SYNE2: variants seen among roughly 807,000 people sequenced by gnomAD.
SYNE2 encodes spectrin repeat containing nuclear envelope protein 2, also known as nesprin-2.
SYNE2 carries 431 observed loss-of-function variants against 856.3 expected under a neutral mutation model. The ratio of observed to expected loss-of-function variants is 0.50; its 90% CI spans 0.47 to 0.55. The LOEUF is 0.55. SYNE2 is among the 20% of genes least tolerant of loss of function. The probability of loss-of-function intolerance (pLI) is 0.00; values close to 1 mark genes in which losing one functional copy is unlikely to be tolerated. For missense variants in SYNE2, 8,129 were observed against 8,023.2 expected (o/e 1.01, Z -0.50); for synonymous variants, 2,923 against 2,872.3 (o/e 1.02, Z -0.56).
intron 1 of SYNE2, among the ~76,000 whole-genome samples, chr14:63,806,702 G>T (rs971601289): frequency 6.6e-6 from 1 of 151,802 alleles, no homozygotes; most frequent in Non-Finnish European, 1.5e-5. Flanking sequence ...TTTTTGTATT[G>T]CTTTCTTTTT....
At chr14:64,032,297 G>A (rs1364940224) in intron 45 of SYNE2, among the ~76,000 whole-genome samples, 3 of 152,228 alleles carry the variant, frequency 2.0e-5, no homozygotes, top group East Asian at 3.9e-4. Context: ...GTGTCAGGCC[G>A]GGCATGGTGG....
At chr14:64,013,072 A>G (rs78443603) in intron 32 of SYNE2, among the ~76,000 whole-genome samples, 5,373 of 152,274 alleles carry the variant, frequency 0.035, 318 homozygotes, top group African/African-American at 0.12. Context: ...GTTTGGAAAT[A>G]TCAAAGTGGG....
chr14:64,018,192 A>T (rs925805698), intron 34 of SYNE2, among the ~76,000 whole-genome samples: 2 of 152,194 alleles, frequency 1.3e-5, no homozygotes, highest in Non-Finnish European at 2.9e-5. Flanking sequence ...AACAAAATGC[A>T]TAATTGCTCC....
chr14:63,997,215 T>C, intron 24 of SYNE2, 57 bp downstream of exon 24: 1 of 1,589,430 alleles, frequency 6.3e-7, no homozygotes, highest in Non-Finnish European at 8.6e-7. Context: ...TTTTGCACGA[T>C]CAAATGACAT....
chr14:63,795,256 A>G (rs1361668583), intron 1 of SYNE2, among the ~76,000 whole-genome samples: 3 of 152,074 alleles, frequency 2.0e-5, no homozygotes, highest in Admixed American at 2.0e-4. Context: ...GGTGGGCACC[A>G]TCTAATCAGC....
chr14:63,772,719 G>C (rs1299930482), intron 1 of SYNE2, among the ~76,000 whole-genome samples: 2 of 152,006 alleles, frequency 1.3e-5, no homozygotes, highest in Non-Finnish European at 2.9e-5. Flanking sequence ...CTCTAGCCTG[G>C]GCGGCAGAGC....
intron 110 of SYNE2, 29 bp from the exon 111 acceptor site, chr14:64,220,408 C>A: frequency 6.2e-7 from 1 of 1,613,492 alleles, no homozygotes; most frequent in Admixed American, 1.7e-5. Context: ...TTTCAGAGCT[C>A]CTAACCTCAT....
intron 1 of SYNE2, among the ~76,000 whole-genome samples, chr14:63,869,257 ATGAGAAG>A (rs1896227635): frequency 6.6e-6 from 1 of 152,218 alleles, no homozygotes; most frequent in Non-Finnish European, 1.5e-5. Context: ...AAAGATAAAA[ATGAGAAG>A]TGCTTTAAAA....
chr14:63,836,470 C>A (rs912894694), intron 1 of SYNE2, among the ~76,000 whole-genome samples: 1 of 152,180 alleles, frequency 6.6e-6, no homozygotes, highest in Non-Finnish European at 1.5e-5. Context: ...ACTTACCATT[C>A]TTCAGTTTTT....
At chr14:63,792,653 A>G (rs1328479958) in intron 1 of SYNE2, among the ~76,000 whole-genome samples, 5 of 81,340 alleles carry the variant, frequency 6.1e-5, no homozygotes, top group South Asian at 1.1e-3. Context: ...TGTTTTATTT[A>G]TTTGTTTGTT....
upstream of SYNE2, among the ~76,000 whole-genome samples, chr14:63,849,383 T>A (rs1595171144): frequency 6.6e-6 from 1 of 152,074 alleles, no homozygotes; most frequent in Non-Finnish European, 1.5e-5. Flanking sequence ...GAAGAGACTT[T>A]GTGTTGTTTT....
intron 1 of SYNE2, among the ~76,000 whole-genome samples, chr14:63,864,857 T>C (rs993540471): frequency 3.3e-5 from 5 of 152,152 alleles, no homozygotes; most frequent in African/African-American, 1.2e-4. Context: ...GGGTTAAATA[T>C]GATTTCCTGG....
chr14:63,970,376 A>T (rs887062719), intron 11 of SYNE2, among the ~76,000 whole-genome samples: 1 of 152,096 alleles, frequency 6.6e-6, no homozygotes, highest in Admixed American at 6.6e-5. Flanking sequence ...TTTTGTAGAG[A>T]TGGAGTTTTG....
At chr14:64,096,225 G>A (rs2097675872) in intron 61 of SYNE2, among the ~76,000 whole-genome samples, 2 of 152,120 alleles carry the variant, frequency 1.3e-5, no homozygotes, top group South Asian at 4.1e-4. Context: ...CATTCTTAAG[G>A]AAAATGGAAT....
intron 1 of SYNE2, among the ~76,000 whole-genome samples, chr14:63,869,071 G>T (rs1309505469): frequency 6.6e-6 from 1 of 152,174 alleles, no homozygotes; most frequent in South Asian, 2.1e-4. Flanking sequence ...AAATAAAATG[G>T]AGAATGAAAC....
intron 55 of SYNE2, 152 bp from the exon 56 acceptor site, chr14:64,080,304 A>G (rs1164251053): frequency 1.2e-6 from 1 of 803,608 alleles, no homozygotes. Flanking sequence ...TAGATCACAA[A>G]TTGCTGGGTA....
intron 1 of SYNE2, among the ~76,000 whole-genome samples, chr14:63,906,483 C>T (rs967862490): frequency 6.6e-6 from 1 of 152,120 alleles, no homozygotes; most frequent in African/African-American, 2.4e-5. Context: ...ATTGGTTCAA[C>T]TTCGGAGTTT....
intron 76 of SYNE2, 39 bp from the exon 77 acceptor site, chr14:64,132,226 A>T (rs1567403195): frequency 1.2e-6 from 2 of 1,609,024 alleles, no homozygotes; most frequent in Non-Finnish European, 1.7e-6. Context: ...GAGTTTTCAC[A>T]ATTTCAAAGT....
chr14:64,096,085 A>G (rs943553626), intron 61 of SYNE2, among the ~76,000 whole-genome samples: 5 of 152,242 alleles, frequency 3.3e-5, no homozygotes, highest in African/African-American at 1.2e-4. Flanking sequence ...AAACGTACCA[A>G]TACTTTGATC....
Sources: allele counts gnomAD v4.1 joint callset (sites outside exome capture counted in the v4.1 genomes callset), GRCh38; gene constraint gnomAD v4.1.1; transcripts MANE v1.5; gene names NCBI Gene and HGNC (gene_info 2026-07-23, HGNC 2026-07-21).